Variants in SUGT1 observed in about 807,000 individuals in gnomAD.
The protein encoded by SUGT1 is SGT1 assembly cochaperone of MIS12 kinetochore complex.
SUGT1 carries 15 observed loss-of-function variants against 56.1 expected under a neutral mutation model. That is an observed-to-expected ratio of 0.27 (90% CI 0.18 to 0.41). SUGT1 has a LOEUF of 0.41. Ranked by LOEUF, SUGT1 falls within the 10% of genes least tolerant of loss-of-function variation. The probability of loss-of-function intolerance (pLI) is 1.00; values close to 1 mark genes in which losing one functional copy is unlikely to be tolerated. For missense variants in SUGT1, 347 were observed against 382.2 expected (o/e 0.91, Z 0.77); for synonymous variants, 123 against 128.6 (o/e 0.96, Z 0.30).
chr13:52,689,903 G>T lies in SUGT1; in HGVS notation c.*2068G>T, dbSNP rs1210850584. On this transcript the variant is annotated 3_prime_UTR_variant, in exon 13 of 13. Transcript: ENST00000310528. ...GAGAATTGCTTGAACCGGGAGGCAG[G>T]GGGTGCAGTGAGCCAAGATCATGCC... 2 of 151,884 alleles carry T rather than the reference G, an allele frequency of 1.3e-5. No homozygotes were observed. Among genetic ancestry groups the T allele is most frequent in the African/African-American group, 4.8e-5 (2 of 41,340 alleles). 9.4% of individuals were successfully genotyped at this position (151,884 alleles called of 1,614,324 possible).
At chr13:52,665,257 A>G (rs1158626625) in intron 8 of SUGT1, among the ~76,000 whole-genome samples, 2 of 152,174 alleles carry the variant, frequency 1.3e-5, no homozygotes, top group African/African-American at 4.8e-5. Context: ...TTAAGTGTTT[A>G]TCTGTAGTAT....
At chr13:52,681,117 C>T (rs1338789409) in intron 12 of SUGT1, among the ~76,000 whole-genome samples, 5 of 152,050 alleles carry the variant, frequency 3.3e-5, no homozygotes, top group Admixed American at 2.0e-4. Flanking sequence ...GGATTACAGG[C>T]GTGAGGCACC....
At chr13:52,674,884 A>T (rs944091849) in intron 10 of SUGT1, among the ~76,000 whole-genome samples, 1 of 152,196 alleles carries the variant, frequency 6.6e-6, no homozygotes, top group Non-Finnish European at 1.5e-5. Context: ...ATAAAATGCT[A>T]TGTGATTGTG....
rs1963654716 is a variant in SUGT1, at chr13:52,687,806, C to T, written c.973C>T (p.Pro325Ser). 2 of 1,601,482 alleles carry T rather than the reference C, an allele frequency of 1.2e-6. No individual in the cohort carries two copies. Among genetic ancestry groups the T allele is most frequent in the African/African-American group, 1.3e-5 (1 of 74,368 alleles). ...VGKRKVEINP[P>S]DDMEWKKY ...TAAAAGGAAAGTTGAAATCAATCCT[C>T]CTGATGATATGGAATGGAAAAAGTA... is the stretch of plus-strand genomic sequence containing the variant. The change falls in exon 13 of 13, where the codon CCT (proline) becomes TCT (serine). Residue 325 changes from proline (P) to serine (S), a missense_variant. Transcript: ENST00000310528.
rs369458781 is a variant in SUGT1 at position 52,653,018 on chromosome 13, C to T, written c.39-28C>T. The T allele has an allele frequency of 5.6e-6, 9 of 1,614,054 alleles. No homozygotes were observed. The African/African-American group carries it at 9.3e-5, about 17-fold the overall frequency. ...ATCCCCCTTTCCTTGGCTAGTGAGC[C>T]CTGCTGAAGTCGTTGTTTTCCTGAC... On this transcript the variant is annotated intron_variant, in intron 1 of 12. Coordinates refer to ENST00000310528, the MANE Select transcript of SUGT1 (RefSeq NM_006704.5).
At position 52,655,985 on chromosome 13, in the gene SUGT1, T is replaced by C. The variant is rs1202940230; in HGVS notation, c.97-1547T>C. Reference sequence around the variant, plus strand: ...CTGAGCCCAAGGAGAACATTAGTTTTTAAGAGGCAGCAGAATGGTAAGCTG... The same window carrying C: ...CTGAGCCCAAGGAGAACATTAGTTTCTAAGAGGCAGCAGAATGGTAAGCTG... On this transcript the variant is annotated intron_variant, in intron 2 of 12. Transcript: ENST00000310528. Among the ~76,000 whole-genome samples, 4 of 152,148 alleles carry C rather than the reference T, an allele frequency of 2.6e-5. No individual in the cohort carries two copies. The East Asian group carries it at 7.7e-4, about 29-fold the overall frequency.
intron 10 of SUGT1, among the ~76,000 whole-genome samples, chr13:52,675,192 C>G (rs1056010012): frequency 1.3e-5 from 2 of 152,126 alleles, no homozygotes; most frequent in African/African-American, 4.8e-5. Flanking sequence ...CTCTCCTGAG[C>G]TTTTAGAACA....
Position 52,662,783 on chromosome 13 carries a change from TTTTATC to T in SUGT1, c.382+87_382+92del. 18 of 1,411,900 alleles carry T rather than the reference TTTTATC, an allele frequency of 1.3e-5. No homozygotes were observed. The South Asian group carries it at 1.8e-4, about 14-fold the overall frequency. 87.5% of individuals were successfully genotyped at this position (1,411,900 alleles called of 1,614,324 possible). The stretch of plus-strand genomic sequence containing the variant: ...ATTTTTTTGGTTTAAACAAATTTGT[TTTTATC>T]TTTATAATTTCTTTTAAATAGTATA... On this transcript the variant is annotated intron_variant, in intron 6 of 12. Coordinates refer to ENST00000310528, the MANE Select transcript of SUGT1 (RefSeq NM_006704.5).
At chr13:52,675,912 G>T (rs1172849902) in intron 10 of SUGT1, among the ~76,000 whole-genome samples, 1 of 152,064 alleles carries the variant, frequency 6.6e-6, no homozygotes, top group Non-Finnish European at 1.5e-5. Context: ...AATGTCTCCA[G>T]ACATGGCTAA....
At chr13:52,668,830 CA>C (rs56742664) in intron 10 of SUGT1, among the ~76,000 whole-genome samples, 1,116 of 78,926 alleles carry the variant, frequency 0.014, 5 homozygotes, top group African/African-American at 0.023. Flanking sequence ...GACTCTGTCT[CA>C]AAAAAAAAAA....
Position 52,699,874 on chromosome 13 carries a change from G to A in SUGT1, c.*12039G>A, listed in dbSNP as rs1384207803. 6.6e-6 allele frequency: 1 copy of A among 152,186 alleles called. No homozygotes were observed. Among genetic ancestry groups the A allele is most frequent in the Non-Finnish European group, 1.5e-5 (1 of 68,020 alleles). The allele number at this position is 152,186 out of a possible 1,614,324, so 9.4% of individuals were successfully genotyped here. The stretch of plus-strand genomic sequence containing the variant: ...AAGTAAGTTTGCAAATGCAATGCTA[G>A]TAAAAAGTATATAGAGGTATGTCTT... On this transcript the variant is annotated 3_prime_UTR_variant, in exon 13 of 13. Coordinates refer to ENST00000310528, the MANE Select transcript of SUGT1 (RefSeq NM_006704.5).
chr13:52,673,667 T>G (rs940023182), intron 10 of SUGT1, among the ~76,000 whole-genome samples: 10 of 152,190 alleles, frequency 6.6e-5, no homozygotes, highest in Admixed American at 2.0e-4. Context: ...TTATAGACAG[T>G]ATGTTCATAG....
At chr13:52,676,197 C>T (rs370985459) in intron 10 of SUGT1, 33 bp from the exon 11 acceptor site, 27 of 1,540,966 alleles carry the variant, frequency 1.8e-5, no homozygotes, top group Admixed American at 5.8e-5. Flanking sequence ...TATTTTACGT[C>T]GAGTAATGGA....
rs576517862 is a variant in SUGT1, at chr13:52,697,366, G to A, written c.*9531G>A. Reference sequence around the variant, plus strand: ...CGGACTGAAGTTTACTTTCTAACTAGGTTAGCCCTCCATTCATACAAAATT... The same window carrying A: ...CGGACTGAAGTTTACTTTCTAACTAAGTTAGCCCTCCATTCATACAAAATT... On this transcript the variant is annotated 3_prime_UTR_variant, in exon 13 of 13. Coordinates refer to ENST00000310528, the MANE Select transcript of SUGT1 (RefSeq NM_006704.5). The A allele has an allele frequency of 5.3e-5, 8 of 152,224 alleles. No individual in the cohort carries two copies. The highest frequency in any genetic ancestry group is 8.8e-5 in the Non-Finnish European group (6 of 68,076). The allele number at this position is 152,224 out of a possible 1,614,324, so 9.4% of individuals were successfully genotyped here.
intron 9 of SUGT1, among the ~76,000 whole-genome samples, 197 bp from the exon 10 acceptor site, chr13:52,666,615 T>C (rs1297701066): frequency 6.6e-6 from 1 of 152,196 alleles, no homozygotes; most frequent in Non-Finnish European, 1.5e-5. Context: ...CTATAAGAAT[T>C]CATGTCAAGG....
In SUGT1 at chr13:52,691,543, T is replaced by C. The variant is rs1963777872; in HGVS notation, c.*3708T>C. 1.3e-5 allele frequency: 2 copies of C among 152,198 alleles called. No homozygotes were observed. The highest frequency in any genetic ancestry group is 6.5e-5 in the Admixed American group (1 of 15,272). The allele number at this position is 152,198 out of a possible 1,614,324, so 9.4% of individuals were successfully genotyped here. A position where few individuals can be genotyped will look rare whatever the true frequency, so the allele number is the denominator to read the frequency against. ...TGCACTTAAATTCCCTTGGAATCTTTCCTGTTCAGATTGGTGTGCATCTCT... is the reference window on the plus strand; with the variant it reads ...TGCACTTAAATTCCCTTGGAATCTTCCCTGTTCAGATTGGTGTGCATCTCT... On this transcript the variant is annotated 3_prime_UTR_variant, in exon 13 of 13. Coordinates refer to ENST00000310528, the MANE Select transcript of SUGT1 (RefSeq NM_006704.5).
At chr13:52,666,333 T>C (rs1003189017) in intron 9 of SUGT1, among the ~76,000 whole-genome samples, 4 of 152,206 alleles carry the variant, frequency 2.6e-5, no homozygotes, top group African/African-American at 9.6e-5. Context: ...CATCTCAGCC[T>C]CCCAAAGTGC....
At chr13:52,661,633 T>C in intron 5 of SUGT1, 1 of 409,224 alleles carries the variant, frequency 2.4e-6, no homozygotes, top group Non-Finnish European at 4.9e-6. Flanking sequence ...TAGGCTTCTA[T>C]TTTTATCAGA....
chr13:52,700,631 A>G lies in SUGT1; in HGVS notation c.*12796A>G, dbSNP rs1964054480. The G allele has an allele frequency of 6.6e-6, 1 of 152,158 alleles. No individual in the cohort carries two copies. Among genetic ancestry groups the G allele is most frequent in the African/African-American group, 2.4e-5 (1 of 41,446 alleles). 9.4% of individuals were successfully genotyped at this position (152,158 alleles called of 1,614,324 possible). ...TCTGCCTGTAAAATGTTTTTGCTGA[A>G]ATTTGTATCATTAACTCTCAAATTT... is the stretch of plus-strand genomic sequence containing the variant. On this transcript the variant is annotated 3_prime_UTR_variant, in exon 13 of 13. Coordinates refer to ENST00000310528, the MANE Select transcript of SUGT1 (RefSeq NM_006704.5).
Sources: gnomAD v4.1 joint callset for allele counts (sites outside exome capture counted in the v4.1 genomes callset) on GRCh38, gnomAD v4.1.1 for gene constraint, MANE v1.5 for transcripts, NCBI Gene and HGNC (gene_info 2026-07-23, HGNC 2026-07-21) for gene names.